The following FOXP4 variants were observed in gnomAD, a reference collection of about 807,000 sequenced individuals.
The protein encoded by FOXP4 is forkhead box protein P4.
Under a neutral mutation model 82.6 loss-of-function variants are expected in FOXP4, and 25 were observed. The ratio of observed to expected loss-of-function variants is 0.30; its 90% CI spans 0.22 to 0.42. FOXP4 has a LOEUF of 0.42. FOXP4 is among the 10% of genes least tolerant of loss of function. The pLI, the probability that FOXP4 is intolerant of heterozygous loss-of-function variation, is 1.00. For missense variants in FOXP4, 785 were observed against 900.9 expected (o/e 0.87, Z 1.65); for synonymous variants, 415 against 388.2 (o/e 1.07, Z -0.81).
In FOXP4 at chr6:41,593,385, T is replaced by C. The variant is rs1025205931; in HGVS notation, c.1537-1485T>C. Among the ~76,000 whole-genome samples the C allele has an allele frequency of 3.8e-4, 58 of 152,202 alleles. No individual in the cohort carries two copies. Among genetic ancestry groups the C allele is most frequent in the African/African-American group, 1.4e-3 (57 of 41,454 alleles). On this transcript the variant is annotated intron_variant, in intron 13 of 16. Transcript: ENST00000307972. This position sits in a 1 kb window ranked among gnomAD's most constrained non-coding sequence, Gnocchi z 4.1. ...ACAGAGCTGCCATCTGCCAAGCTGA[T>C]GGTCCTTGCTGGCCCTCCCCGTGTC...
intron 2 of FOXP4, among the ~76,000 whole-genome samples, chr6:41,577,665 C>T (rs1765561524): frequency 6.6e-6 from 1 of 152,162 alleles, no homozygotes; most frequent in South Asian, 2.1e-4. Flanking sequence ...TTTACTAATG[C>T]CCTGAGTCAA....
intron 1 of FOXP4, among the ~76,000 whole-genome samples, chr6:41,561,108 G>T (rs1305066503): frequency 6.6e-6 from 1 of 152,244 alleles, no homozygotes. Flanking sequence ...GCGGCCCGCA[G>T]ACTGCCTCAG....
chr6:41,569,723 A>G (rs1418125164), intron 2 of FOXP4, among the ~76,000 whole-genome samples: 1 of 152,058 alleles, frequency 6.6e-6, no homozygotes, highest in Non-Finnish European at 1.5e-5. Context: ...GCGCACTCCC[A>G]TTGTCCATGG....
At chr6:41,549,679 T>C (rs1763885851) in intron 1 of FOXP4, among the ~76,000 whole-genome samples, 1 of 146,044 alleles carries the variant, frequency 6.8e-6, no homozygotes, top group South Asian at 2.2e-4. Flanking sequence ...AAGGCTGGGG[T>C]CTGCTGTCTG....
At position 41,588,738 on chromosome 6, in the gene FOXP4, C is replaced by A. The variant is rs1217663506; in HGVS notation, c.1065+7C>A. ...GCAGCAGCTGGAGATCCAGGTGTGG[C>A]CCGGAAGATGCTGGGGAGGGACATG... On this transcript the variant is annotated splice_region_variant and intron_variant, in intron 9 of 16. Transcript: ENST00000307972. 5.6e-6 allele frequency: 9 copies of A among 1,612,976 alleles called. No homozygotes were observed. The highest frequency in any genetic ancestry group is 6.8e-6 in the Non-Finnish European group (8 of 1,179,990).
intron 2 of FOXP4, chr6:41,570,261 C>T (rs962781238): frequency 6.4e-6 from 3 of 466,428 alleles, no homozygotes; most frequent in Admixed American, 2.4e-5. Context: ...GAGCCCCTCC[C>T]GTGGAGGAGC....
intron 2 of FOXP4, among the ~76,000 whole-genome samples, chr6:41,571,735 C>G (rs544766874): frequency 6.6e-6 from 1 of 152,100 alleles, no homozygotes; most frequent in Non-Finnish European, 1.5e-5. Flanking sequence ...GTCTCCTCTC[C>G]CCACCTTCCT....
intron 2 of FOXP4, among the ~76,000 whole-genome samples, chr6:41,574,008 C>T (rs1427433012): frequency 2.6e-5 from 4 of 152,156 alleles, no homozygotes; most frequent in African/African-American, 9.7e-5. Flanking sequence ...TGCCTAAGCC[C>T]CCTCTTCCTC....
chr6:41,561,819 A>G (rs1461480852), intron 1 of FOXP4, among the ~76,000 whole-genome samples: 2 of 152,192 alleles, frequency 1.3e-5, no homozygotes, highest in Non-Finnish European at 2.9e-5. Context: ...ACCTATTTGT[A>G]TAGAGACAGG....
In FOXP4 at chr6:41,590,447, A is replaced by G. The variant is rs548187078; in HGVS notation, c.1434+100A>G. ...TCCAGGAAGGTCCTGGGGCCAAGCA[A>G]TGGAGCTGTCCCGCTCCCTCTCACG... is the stretch of plus-strand genomic sequence containing the variant. On this transcript the variant is annotated intron_variant, in intron 12 of 16. Coordinates refer to ENST00000307972, the MANE Select transcript of FOXP4 (RefSeq NM_001012426.2). 43 of 1,289,676 alleles carry G rather than the reference A, an allele frequency of 3.3e-5. No homozygotes were observed. The East Asian group carries it at 4.2e-4, about 13-fold the overall frequency. The allele number at this position is 1,289,676 out of a possible 1,614,324, so 79.9% of individuals were successfully genotyped here.
At chr6:41,552,290 G>C (rs1764043255) in intron 1 of FOXP4, among the ~76,000 whole-genome samples, 1 of 152,196 alleles carries the variant, frequency 6.6e-6, no homozygotes, top group African/African-American at 2.4e-5. Flanking sequence ...GGGTACACTA[G>C]GGAGAGTTTT....
chr6:41,586,822 A>G (rs1282836075), intron 5 of FOXP4, among the ~76,000 whole-genome samples, 187 bp from the exon 6 acceptor site: 1 of 152,110 alleles, frequency 6.6e-6, no homozygotes, highest in African/African-American at 2.4e-5. Flanking sequence ...GCGTGTGTTT[A>G]CTGCGAGGAG....
intron 2 of FOXP4, chr6:41,570,359 G>A (rs942588017): frequency 4.2e-6 from 2 of 471,294 alleles, no homozygotes; most frequent in Non-Finnish European, 8.8e-6. Context: ...GCTGGGGAAT[G>A]CTCAGAAACT....
At chr6:41,575,210 C>T (rs527507100) in intron 2 of FOXP4, among the ~76,000 whole-genome samples, 111 of 152,256 alleles carry the variant, frequency 7.3e-4, no homozygotes, top group African/African-American at 2.6e-3. Flanking sequence ...CCTCATGATC[C>T]GCCTGCCTTG....
In FOXP4 at chr6:41,599,053, G is replaced by A. The variant is rs556351061; in HGVS notation, c.*117G>A. The A allele has an allele frequency of 1.6e-5, 22 of 1,359,714 alleles. No individual in the cohort carries two copies. Among genetic ancestry groups the A allele is most frequent in the Middle Eastern group, 2.7e-4 (1 of 3,714 alleles). The allele number at this position is 1,359,714 out of a possible 1,614,324, so 84.2% of individuals were successfully genotyped here. ...TCAAGGCAAGTCCAGGACTCAGACC[G>A]GGGAGGCCCGGGCCAGCAGCTCCCA... On this transcript the variant is annotated 3_prime_UTR_variant, in exon 17 of 17. Transcript: ENST00000307972.
intron 1 of FOXP4, among the ~76,000 whole-genome samples, chr6:41,556,672 G>T (rs1764297140): frequency 6.6e-6 from 1 of 152,124 alleles, no homozygotes; most frequent in Non-Finnish European, 1.5e-5. Flanking sequence ...GTGTGCCGAG[G>T]CCTTGCTGCG....
chr6:41,585,031 A>G, intron 4 of FOXP4, 140 bp downstream of exon 4: 2 of 1,235,654 alleles, frequency 1.6e-6, no homozygotes, highest in South Asian at 1.7e-5. Context: ...GCATTCCTCT[A>G]GGGTAGTGGG....
intron 1 of FOXP4, among the ~76,000 whole-genome samples, chr6:41,564,989 G>A (rs1257620433): frequency 1.3e-5 from 2 of 152,180 alleles, no homozygotes; most frequent in Non-Finnish European, 2.9e-5. Flanking sequence ...TCAGGTGGGG[G>A]TAGGAAGGCA....
chr6:41,559,553 A>G (rs552223032), intron 1 of FOXP4, among the ~76,000 whole-genome samples: 1 of 152,320 alleles, frequency 6.6e-6, no homozygotes, highest in African/African-American at 2.4e-5. Flanking sequence ...CATTATTACC[A>G]GTCGCCCTTG....
Sources: gnomAD v4.1 joint callset for allele counts (sites outside exome capture counted in the v4.1 genomes callset) on GRCh38, gnomAD v4.1.1 for gene constraint, Gnocchi (gnomAD v3.1) non-coding constraint, MANE v1.5 for transcripts, NCBI Gene and HGNC (gene_info 2026-07-23, HGNC 2026-07-21) for gene names.